Variants in THRB observed in about 807,000 individuals in gnomAD.
The protein encoded by THRB is thyroid hormone receptor beta.
A neutral mutation model predicts 47.8 loss-of-function variants in THRB; 12 were observed. That is an observed-to-expected ratio of 0.25 (90% CI 0.16 to 0.41). The LOEUF (loss-of-function observed/expected upper bound fraction) is 0.41. Ranked by LOEUF, THRB falls within the 10% of genes least tolerant of loss-of-function variation. The pLI is 1.00. For missense variants in THRB, 348 were observed against 589.2 expected (o/e 0.59, Z 4.24); for synonymous variants, 218 against 212.2 (o/e 1.03, Z -0.24).
chr3:24,256,909 C>T (rs1359962242), intron 3 of THRB, among the ~76,000 whole-genome samples: 1 of 152,078 alleles, frequency 6.6e-6, no homozygotes, highest in Non-Finnish European at 1.5e-5. Flanking sequence ...TGTTGATGGC[C>T]CATTTGAAGG....
At chr3:24,371,417 C>A (rs1024070746) in intron 1 of THRB, among the ~76,000 whole-genome samples, 1 of 151,954 alleles carries the variant, frequency 6.6e-6, no homozygotes, top group African/African-American at 2.4e-5. Flanking sequence ...ATATCACATT[C>A]CTTGAAGTAT....
At chr3:24,206,374 A>C (rs2045356768) in intron 4 of THRB, among the ~76,000 whole-genome samples, 1 of 152,246 alleles carries the variant, frequency 6.6e-6, no homozygotes, top group East Asian at 1.9e-4. Context: ...ACTACATGGA[A>C]ACTGAACAAC....
chr3:24,280,088 C>T (rs1197812860), intron 3 of THRB, among the ~76,000 whole-genome samples: 1 of 152,154 alleles, frequency 6.6e-6, no homozygotes, highest in Non-Finnish European at 1.5e-5. Context: ...CCTTCATAAG[C>T]TATAGAACCG....
At chr3:24,443,199 CAGAA>C (rs920289375) in intron 1 of THRB, among the ~76,000 whole-genome samples, 4 of 152,046 alleles carry the variant, frequency 2.6e-5, no homozygotes, top group African/African-American at 7.2e-5. Flanking sequence ...ACGATACTGA[CAGAA>C]GGACAATTTT....
chr3:24,187,152 C>A (rs1262108739), intron 5 of THRB, among the ~76,000 whole-genome samples: 1 of 152,110 alleles, frequency 6.6e-6, no homozygotes, highest in Admixed American at 6.5e-5. Context: ...ATGTGACTGA[C>A]CAGGCAAGTT....
At position 24,255,572 on chromosome 3, in the gene THRB, G is replaced by T. The variant is rs112693025; in HGVS notation, c.-42-26571C>A. Among the ~76,000 whole-genome samples, 534 of 152,290 alleles carry T rather than the reference G, an allele frequency of 3.5e-3. 4 individuals carry two copies. The highest frequency in any genetic ancestry group is 0.012 in the African/African-American group (510 of 41,564). ...AGTGATGAGTGGGATGAGACTCCCA[G>T]AAGTGCCAACTAGAATGAAGTCAAA... On this transcript the variant is annotated intron_variant, in intron 3 of 10. Transcript: ENST00000646209.
chr3:24,397,640 G>A (rs188148284), intron 1 of THRB, among the ~76,000 whole-genome samples: 106 of 140,894 alleles, frequency 7.5e-4, no homozygotes, highest in Admixed American at 1.6e-3. Flanking sequence ...TCACACTGTC[G>A]CCCAGGCTGG....
intron 3 of THRB, among the ~76,000 whole-genome samples, chr3:24,288,074 T>C (rs1171927705): frequency 2.6e-5 from 4 of 152,228 alleles, no homozygotes; most frequent in Non-Finnish European, 5.9e-5. Flanking sequence ...ACCTGATACG[T>C]GACTTCCTCT....
chr3:24,341,472 G>A (rs1480142395), intron 1 of THRB, among the ~76,000 whole-genome samples: 4 of 151,994 alleles, frequency 2.6e-5, no homozygotes, highest in Admixed American at 6.5e-5. Context: ...GAGCTCAAGC[G>A]ATCTGCCTGC....
At chr3:24,435,140 T>C (rs2070811383) in intron 1 of THRB, among the ~76,000 whole-genome samples, 1 of 152,158 alleles carries the variant, frequency 6.6e-6, no homozygotes, top group South Asian at 2.1e-4. Flanking sequence ...TATAAGGACC[T>C]GGAGGCTTCC....
chr3:24,357,365 A>AAAAC (rs1560010782), intron 1 of THRB, among the ~76,000 whole-genome samples: 13 of 147,416 alleles, frequency 8.8e-5, no homozygotes, highest in African/African-American at 2.7e-4. Context: ...AAAAAAAAAA[A>AAAAC]AAAAAAAAAC....
intron 1 of THRB, among the ~76,000 whole-genome samples, chr3:24,475,936 T>A (rs1012985788): frequency 1.3e-5 from 2 of 152,218 alleles, no homozygotes; most frequent in African/African-American, 4.8e-5. Context: ...TTCTAAGGAA[T>A]CTCTCAAGTA....
At chr3:24,323,149 T>C (rs2058592800) in intron 2 of THRB, among the ~76,000 whole-genome samples, 1 of 152,070 alleles carries the variant, frequency 6.6e-6, no homozygotes, top group South Asian at 2.1e-4. Flanking sequence ...AATGTTACCA[T>C]CATGTTTTCT....
At chr3:24,389,984 G>GGT (rs965471409) in intron 1 of THRB, among the ~76,000 whole-genome samples, 1 of 152,106 alleles carries the variant, frequency 6.6e-6, no homozygotes, top group African/African-American at 2.4e-5. Flanking sequence ...TGTCTTCGTA[G>GGT]GTGTGACAGA....
intron 1 of THRB, among the ~76,000 whole-genome samples, chr3:24,433,459 G>A (rs1181438733): frequency 1.8e-4 from 27 of 152,052 alleles, no homozygotes; most frequent in Admixed American, 1.6e-3. Flanking sequence ...GAGATGTGTG[G>A]CCACTAGAAG....
intron 5 of THRB, among the ~76,000 whole-genome samples, chr3:24,176,572 C>T (rs1280823230): frequency 6.6e-6 from 1 of 152,068 alleles, no homozygotes; most frequent in Non-Finnish European, 1.5e-5. Flanking sequence ...GTAAAGGCTC[C>T]AGTCCTACAT....
At chr3:24,199,602 C>T (rs1053042802) in intron 4 of THRB, among the ~76,000 whole-genome samples, 1 of 152,198 alleles carries the variant, frequency 6.6e-6, no homozygotes, top group African/African-American at 2.4e-5. Flanking sequence ...TAGGCAATCA[C>T]TATCCTAATG....
At chr3:24,455,118 T>C (rs2073044852) in intron 1 of THRB, 1 of 144,122 alleles carries the variant, frequency 6.9e-6, no homozygotes, top group Non-Finnish European at 1.5e-5. Flanking sequence ...TTTTTTTTTT[T>C]TTTTTTTTTT....
At chr3:24,442,687 A>G (rs1251572201) in intron 1 of THRB, among the ~76,000 whole-genome samples, 2 of 152,046 alleles carry the variant, frequency 1.3e-5, no homozygotes, top group South Asian at 2.1e-4. Flanking sequence ...AGCCAGGTGT[A>G]GTGGCGCATG....
Sources: allele counts gnomAD v4.1 joint callset (sites outside exome capture counted in the v4.1 genomes callset), GRCh38; gene constraint gnomAD v4.1.1; transcripts MANE v1.5; gene names NCBI Gene and HGNC (gene_info 2026-07-23, HGNC 2026-07-21).